SEMA3C: variants seen among roughly 807,000 people sequenced by gnomAD.
SEMA3C encodes the protein semaphorin 3C.
In SEMA3C, 47 loss-of-function variants were observed where a neutral mutation model predicts 89.4. The ratio of observed to expected loss-of-function variants is 0.53; its 90% CI spans 0.42 to 0.67. The LOEUF is 0.67. SEMA3C is among the 30% of genes least tolerant of loss of function. The pLI, the probability that SEMA3C is intolerant of heterozygous loss-of-function variation, is 0.00. For missense variants in SEMA3C, 839 were observed against 929.1 expected, an observed-to-expected ratio of 0.90 and a Z score of 1.26; for synonymous variants, 310 against 320.2, an observed-to-expected ratio of 0.97 and a Z score of 0.34.
At chr7:80,817,031 T>C (rs149226956) in intron 5 of SEMA3C, among the ~76,000 whole-genome samples, 219 of 152,352 alleles carry the variant, frequency 1.4e-3, no homozygotes, top group African/African-American at 4.9e-3. Flanking sequence ...AGTAGTTTAC[T>C]TAATCAATTG....
At chr7:80,775,827 G>A (rs1455406245) in intron 12 of SEMA3C, among the ~76,000 whole-genome samples, 1 of 151,848 alleles carries the variant, frequency 6.6e-6, no homozygotes, top group African/African-American at 2.4e-5. Context: ...ATACTTCTGA[G>A]GCACATTTGG....
intron 2 of SEMA3C, among the ~76,000 whole-genome samples, chr7:80,872,638 T>C (rs925500914): frequency 6.6e-6 from 1 of 151,248 alleles, no homozygotes; most frequent in African/African-American, 2.4e-5. Flanking sequence ...CCATCTCTAC[T>C]AAAAATAGAA....
In SEMA3C at chr7:80,917,032, T is replaced by C. The variant is rs575508298; in HGVS notation, c.-38-213A>G. ...TGGAAGTCTTTGCAACAAGAGAAAC[T>C]TTCATCTTCCAGCAAATTGATGCTA... On this transcript the variant is annotated intron_variant, in intron 1 of 17. Transcript: ENST00000265361. 3.3e-5 allele frequency among the ~76,000 whole-genome samples: 5 copies of C among 152,270 alleles called. No homozygotes were observed. In the East Asian group the frequency reaches 9.7e-4, roughly 29 times the overall value.
chr7:80,854,503 C>T (rs1790588374), intron 2 of SEMA3C, among the ~76,000 whole-genome samples: 1 of 152,192 alleles, frequency 6.6e-6, no homozygotes, highest in Non-Finnish European at 1.5e-5. Flanking sequence ...GGGCTCACAA[C>T]TGAACTTCTT....
At chr7:80,840,959 T>C (rs1473478414) in intron 2 of SEMA3C, among the ~76,000 whole-genome samples, 2 of 151,656 alleles carry the variant, frequency 1.3e-5, no homozygotes, top group Admixed American at 6.6e-5. Flanking sequence ...TTCCAGGGAG[T>C]AGAAAAAGTT....
intron 2 of SEMA3C, among the ~76,000 whole-genome samples, chr7:80,836,862 T>C (rs1207863162): frequency 6.6e-6 from 1 of 152,156 alleles, no homozygotes; most frequent in Non-Finnish European, 1.5e-5. Flanking sequence ...CCCAGCATAA[T>C]TATCACTAGT....
chr7:80,823,364 G>C (rs1164056242), intron 4 of SEMA3C, among the ~76,000 whole-genome samples: 1 of 152,122 alleles, frequency 6.6e-6, no homozygotes, highest in Non-Finnish European at 1.5e-5. Context: ...GAGCTAATAA[G>C]AGATGGTTTA....
At chr7:80,786,370 T>A (rs1788801571) in intron 12 of SEMA3C, among the ~76,000 whole-genome samples, 1 of 148,370 alleles carries the variant, frequency 6.7e-6, no homozygotes, top group African/African-American at 2.5e-5. Flanking sequence ...ATGGAGAAAA[T>A]ACACATATTT....
chr7:80,889,641 T>C (rs532851546), intron 2 of SEMA3C, among the ~76,000 whole-genome samples: 4 of 152,306 alleles, frequency 2.6e-5, no homozygotes, highest in East Asian at 1.9e-4. Context: ...AAAGTAATTA[T>C]ATACTTTTCT....
intron 12 of SEMA3C, among the ~76,000 whole-genome samples, chr7:80,788,849 C>A (rs1788866224): frequency 6.6e-6 from 1 of 152,092 alleles, no homozygotes; most frequent in South Asian, 2.1e-4. Context: ...CACTTACCTC[C>A]ATGGCTTATT....
intron 6 of SEMA3C, among the ~76,000 whole-genome samples, chr7:80,808,414 T>G (rs1789390371): frequency 6.6e-6 from 1 of 152,176 alleles, no homozygotes; most frequent in Non-Finnish European, 1.5e-5. Context: ...CTATTAAATA[T>G]TTGGAAACAT....
intron 2 of SEMA3C, among the ~76,000 whole-genome samples, chr7:80,877,578 T>C (rs1791230051): frequency 6.6e-6 from 1 of 152,230 alleles, no homozygotes; most frequent in African/African-American, 2.4e-5. Context: ...GTGGTCACTA[T>C]ACTTCAAACA....
At chr7:80,853,216 C>T (rs927701947) in intron 2 of SEMA3C, among the ~76,000 whole-genome samples, 1 of 152,024 alleles carries the variant, frequency 6.6e-6, no homozygotes, top group Non-Finnish European at 1.5e-5. Context: ...GGAGGCTCCT[C>T]AAAAAACTAA....
chr7:80,810,333 C>A (rs1208405431), intron 6 of SEMA3C, among the ~76,000 whole-genome samples: 1 of 152,058 alleles, frequency 6.6e-6, no homozygotes, highest in African/African-American at 2.4e-5. Context: ...CTGAAAACTA[C>A]TTTATGATAA....
chr7:80,853,892 A>ATG (rs113692755), intron 2 of SEMA3C, among the ~76,000 whole-genome samples: 11,149 of 148,918 alleles, frequency 0.075, 506 homozygotes, highest in African/African-American at 0.13. Flanking sequence ...CCCCATATAT[A>ATG]TGTGTGTGTG....
At position 80,747,550 on chromosome 7, in the gene SEMA3C, AATC is replaced by A. The variant is rs1319704857; in HGVS notation, c.1842+1345_1842+1347del. ...GCCTAACAACTCACTTGTATATAGTAATCATCATCACTTATGACTTCTAATGCA... is the reference window on the plus strand; with the variant it reads ...GCCTAACAACTCACTTGTATATAGTAATCATCACTTATGACTTCTAATGCA... On this transcript the variant is annotated intron_variant, in intron 17 of 17. Coordinates refer to ENST00000265361, the MANE Select transcript of SEMA3C (RefSeq NM_006379.5). Among the ~76,000 whole-genome samples, 9 of 152,280 alleles carry A rather than the reference AATC, an allele frequency of 5.9e-5. No homozygotes were observed. The South Asian group carries it at 1.4e-3, about 25-fold the overall frequency.
At chr7:80,899,443 T>A (rs542828011) in intron 2 of SEMA3C, among the ~76,000 whole-genome samples, 1 of 152,338 alleles carries the variant, frequency 6.6e-6, no homozygotes, top group East Asian at 1.9e-4. Context: ...TAGAAAGATA[T>A]GATATACACC....
rs922288364 is a variant in SEMA3C, at chr7:80,918,964, C to T, written c.-175G>A. On this transcript the variant is annotated 5_prime_UTR_variant, in exon 1 of 18. Coordinates refer to ENST00000265361, the MANE Select transcript of SEMA3C (RefSeq NM_006379.5). The stretch of plus-strand genomic sequence containing the variant: ...GGTGAAATTCTTTCTTCCCGGTCCT[C>T]TGAGTTTCTTTGTAAAGGAATCTCA... The T allele has an allele frequency of 3.0e-6, 3 of 985,334 alleles. No homozygotes were observed. The highest frequency in any genetic ancestry group is 5.2e-4 in the Middle Eastern group (1 of 1,934). The allele number at this position is 985,334 out of a possible 1,614,324, so 61.0% of individuals were successfully genotyped here. A position where few individuals can be genotyped will look rare whatever the true frequency, so the allele number is the denominator to read the frequency against.
chr7:80,765,286 A>G (rs199951701), intron 12 of SEMA3C, 43 bp from the exon 13 acceptor site: 3 of 1,429,182 alleles, frequency 2.1e-6, no homozygotes, highest in East Asian at 4.6e-5. Flanking sequence ...AATACTTTTT[A>G]AAAGAAAGCT....
Sources: gnomAD v4.1 joint callset for allele counts (sites outside exome capture counted in the v4.1 genomes callset) on GRCh38, gnomAD v4.1.1 for gene constraint, MANE v1.5 for transcripts, NCBI Gene and HGNC (gene_info 2026-07-23, HGNC 2026-07-21) for gene names.